HUNK: variants seen among roughly 807,000 people sequenced by gnomAD.
HUNK encodes hormonally up-regulated neu tumor-associated kinase.
In HUNK, 21 loss-of-function variants were observed where a neutral mutation model predicts 61.0. The ratio of observed to expected loss-of-function variants is 0.34; its 90% CI spans 0.24 to 0.50. The LOEUF (loss-of-function observed/expected upper bound fraction) is 0.50. Ranked by LOEUF, HUNK falls within the 20% of genes least tolerant of loss-of-function variation. The pLI is 0.98. For missense variants in HUNK, 772 were observed against 945.7 expected (o/e 0.82, Z 2.41); for synonymous variants, 371 against 386.1 (o/e 0.96, Z 0.46).
intron 2 of HUNK, among the ~76,000 whole-genome samples, chr21:31,927,119 C>T (rs2052666295): frequency 6.6e-6 from 1 of 151,978 alleles, no homozygotes; most frequent in Admixed American, 6.5e-5. Context: ...CGGCTCACTG[C>T]AACTTCCGCC....
At chr21:31,998,473 C>T (rs542641854) in intron 10 of HUNK, 53 bp from the exon 11 acceptor site, 99 of 1,470,040 alleles carry the variant, frequency 6.7e-5, no homozygotes, top group Non-Finnish European at 8.3e-5. Flanking sequence ...GGAGAAGGGC[C>T]GTGAGCACTG....
intron 2 of HUNK, among the ~76,000 whole-genome samples, chr21:31,926,178 G>T (rs60002787): frequency 0.022 from 3,352 of 152,064 alleles, 127 homozygotes; most frequent in African/African-American, 0.077. Context: ...TCGGCCTCCC[G>T]AAGTGCTGGG....
intron 1 of HUNK, among the ~76,000 whole-genome samples, chr21:31,893,976 T>C (rs542927687): frequency 3.0e-4 from 45 of 152,344 alleles, no homozygotes; most frequent in African/African-American, 1.0e-3. Flanking sequence ...TGGATTCTTA[T>C]TGCCAAAATC....
intron 1 of HUNK, among the ~76,000 whole-genome samples, chr21:31,907,835 C>G (rs1003810406): frequency 1.3e-5 from 2 of 151,796 alleles, no homozygotes; most frequent in South Asian, 2.1e-4. Context: ...ACTAAAAATA[C>G]AAAAATTAGC....
At position 31,924,422 on chromosome 21, in the gene HUNK, TTGTCTGTAA is replaced by T; in HGVS notation, c.262-39_262-31del. On this transcript the variant is annotated intron_variant, in intron 1 of 10. Coordinates refer to ENST00000270112, the MANE Select transcript of HUNK (RefSeq NM_014586.2). This position sits in a 1 kb window ranked among gnomAD's most constrained non-coding sequence, Gnocchi z 5.1. ...CCTGTGAGTAGCCAAGGCATCGCTATTGTCTGTAATGTCTGATAACAGGCATGTTCTTGT... is the reference window on the plus strand; with the variant it reads ...CCTGTGAGTAGCCAAGGCATCGCTATTGTCTGATAACAGGCATGTTCTTGT... 1 of 1,563,176 alleles carries T rather than the reference TTGTCTGTAA, an allele frequency of 6.4e-7. No homozygotes were observed. The highest frequency in any genetic ancestry group is 8.7e-7 in the Non-Finnish European group (1 of 1,150,452).
At chr21:31,884,592 CAAAAA>C (rs71320207) in intron 1 of HUNK, among the ~76,000 whole-genome samples, 1 of 147,014 alleles carries the variant, frequency 6.8e-6, no homozygotes, top group African/African-American at 2.6e-5. Context: ...AACTCTGTCT[CAAAAA>C]AAAAATAAAT....
chr21:31,998,668 A>C lies in HUNK; in HGVS notation c.1629A>C (p.Gly543=), dbSNP rs149448783. The C allele has an allele frequency of 1.2e-6, 2 of 1,613,976 alleles. No homozygotes were observed. The highest frequency in any genetic ancestry group is 2.7e-5 in the African/African-American group (2 of 74,890). The stretch of plus-strand genomic sequence containing the variant: ...CGGAGCCCCATCAGCCAGGGCCCGG[A>C]AGCACTGGCATCCCCCACAAGGAAG... ...KKPEPHQPGP[G]STGIPHKEDP... is the part of the protein sequence containing the mutation. Residue 543 remains glycine, a synonymous_variant, in exon 11 of 11, where the codon GGA becomes GGC. Coordinates refer to ENST00000270112, the MANE Select transcript of HUNK (RefSeq NM_014586.2).
chr21:31,911,323 G>A (rs891934050), intron 1 of HUNK, among the ~76,000 whole-genome samples: 1 of 152,166 alleles, frequency 6.6e-6, no homozygotes, highest in Admixed American at 6.5e-5. Context: ...TAGCCTCGGG[G>A]CACAGGGGTT....
chr21:31,912,001 C>T (rs941710423), intron 1 of HUNK, among the ~76,000 whole-genome samples: 7 of 152,174 alleles, frequency 4.6e-5, no homozygotes, highest in Admixed American at 1.3e-4. Flanking sequence ...CAGAGCTGCT[C>T]GGTCTCCTCG....
chr21:31,891,564 A>G (rs555319262), intron 1 of HUNK, among the ~76,000 whole-genome samples: 1 of 152,362 alleles, frequency 6.6e-6, no homozygotes, highest in Admixed American at 6.5e-5. Flanking sequence ...TCCTGTTTAC[A>G]CATACAAGTG....
At chr21:31,903,176 G>T (rs965954119) in intron 1 of HUNK, among the ~76,000 whole-genome samples, 2 of 151,740 alleles carry the variant, frequency 1.3e-5, no homozygotes, top group Admixed American at 1.3e-4. Flanking sequence ...GGCCCAGTGG[G>T]ATAGAAAATC....
At chr21:31,899,754 C>A (rs1261740128) in intron 1 of HUNK, among the ~76,000 whole-genome samples, 1 of 151,940 alleles carries the variant, frequency 6.6e-6, no homozygotes, top group Non-Finnish European at 1.5e-5. Context: ...TTATTCAGCT[C>A]CTGTAAGTTA....
chr21:31,983,763 C>A (rs567388505), intron 8 of HUNK, among the ~76,000 whole-genome samples, 154 bp downstream of exon 8: 1 of 152,178 alleles, frequency 6.6e-6, no homozygotes, highest in South Asian at 2.1e-4. Context: ...TGGTTTACAG[C>A]GGAACCAGCT....
rs144321716 is a variant in HUNK, at chr21:31,916,617, C to T, written c.262-7851C>T. Among the ~76,000 whole-genome samples, 317 of 152,084 alleles carry T rather than the reference C, an allele frequency of 2.1e-3. 2 individuals carry two copies. Among genetic ancestry groups the T allele is most frequent in the African/African-American group, 7.2e-3 (299 of 41,512 alleles). On this transcript the variant is annotated intron_variant, in intron 1 of 10. Coordinates refer to ENST00000270112, the MANE Select transcript of HUNK (RefSeq NM_014586.2). ...CTGTGTTGGGGAGAGCAGTGCTTCC[C>T]TTTCGTGCAGGGCAAACTCTTCCTC...
intron 1 of HUNK, among the ~76,000 whole-genome samples, chr21:31,894,841 C>G (rs1333749396): frequency 6.6e-6 from 1 of 152,138 alleles, no homozygotes; most frequent in Non-Finnish European, 1.5e-5. Context: ...CCCCAAATGG[C>G]CCCCTCCATT....
intron 1 of HUNK, among the ~76,000 whole-genome samples, chr21:31,890,160 T>C (rs79365856): frequency 0.014 from 2,150 of 152,262 alleles, 49 homozygotes; most frequent in African/African-American, 0.049. Flanking sequence ...TTATACATAC[T>C]TTTTTATTGT....
At chr21:31,952,141 T>C (rs1439501322) in intron 4 of HUNK, among the ~76,000 whole-genome samples, 1 of 151,986 alleles carries the variant, frequency 6.6e-6, no homozygotes, top group Non-Finnish European at 1.5e-5. Context: ...ACATAGACCA[T>C]TTAATGGAAC....
chr21:31,936,370 G>A (rs1163355599), intron 2 of HUNK, among the ~76,000 whole-genome samples: 2 of 152,226 alleles, frequency 1.3e-5, no homozygotes, highest in East Asian at 1.9e-4. Context: ...GACAGAGCAG[G>A]AAGTGGAAGT....
chr21:31,958,064 T>C (rs1212264328), intron 4 of HUNK, among the ~76,000 whole-genome samples: 1 of 152,154 alleles, frequency 6.6e-6, no homozygotes, highest in East Asian at 1.9e-4. Flanking sequence ...AACCACATAA[T>C]GGCAGTACTA....
Sources: gnomAD v4.1 joint callset for allele counts (sites outside exome capture counted in the v4.1 genomes callset) on GRCh38, gnomAD v4.1.1 for gene constraint, Gnocchi (gnomAD v3.1) non-coding constraint, MANE v1.5 for transcripts, NCBI Gene and HGNC (gene_info 2026-07-23, HGNC 2026-07-21) for gene names.